PTK7: variants seen among roughly 807,000 people sequenced by gnomAD.
The protein encoded by PTK7 is inactive tyrosine-protein kinase 7.
A neutral mutation model predicts 116.6 loss-of-function variants in PTK7; 39 were observed. The observed-to-expected ratio is 0.33, with a 90% CI of 0.26 to 0.44. PTK7 has a LOEUF of 0.44. Ranked by LOEUF, PTK7 falls within the 20% of genes least tolerant of loss-of-function variation. The probability of loss-of-function intolerance (pLI) is 1.00; values close to 1 mark genes in which losing one functional copy is unlikely to be tolerated. For synonymous variants in PTK7, 546 were observed against 563.6 expected, an observed-to-expected ratio of 0.97 and a Z score of 0.44; for missense variants, 1,169 against 1,425.6, an observed-to-expected ratio of 0.82 and a Z score of 2.90.
chr6:43,131,030 CACACA>C (rs1561966873), intron 5 of PTK7, among the ~76,000 whole-genome samples: 444 of 9,106 alleles, frequency 0.049, 3 homozygotes, highest in African/African-American at 0.16. Flanking sequence ...GCAAAGACAT[CACACA>C]CACACACACA....
intron 1 of PTK7, among the ~76,000 whole-genome samples, chr6:43,083,086 G>A (rs3729617): frequency 0.44 from 67,073 of 152,108 alleles, 15,665 homozygotes; most frequent in African/African-American, 0.61. Context: ...AGACTCTAGT[G>A]TTGGAGCCAA....
chr6:43,099,384 CA>C (rs942795699), intron 1 of PTK7, among the ~76,000 whole-genome samples: 1 of 152,010 alleles, frequency 6.6e-6, no homozygotes, highest in Non-Finnish European at 1.5e-5. Context: ...AGGCAAGCAC[CA>C]CCATGCCTGG....
At chr6:43,114,610 C>T (rs188237273) in intron 1 of PTK7, among the ~76,000 whole-genome samples, 1 of 152,152 alleles carries the variant, frequency 6.6e-6, no homozygotes, top group Admixed American at 6.6e-5. Flanking sequence ...ATGAAATAAA[C>T]TTGAGGTTTT....
chr6:43,106,282 T>G (rs1341989766), intron 1 of PTK7, among the ~76,000 whole-genome samples: 1 of 152,182 alleles, frequency 6.6e-6, no homozygotes, highest in Non-Finnish European at 1.5e-5. Context: ...TTGTTCTATT[T>G]GCCAAGTCCC....
intron 17 of PTK7, among the ~76,000 whole-genome samples, chr6:43,148,837 G>T (rs570856737): frequency 2.6e-5 from 4 of 152,008 alleles, no homozygotes; most frequent in African/African-American, 7.2e-5. Flanking sequence ...GAGGCGGGCA[G>T]ATCACGAGGT....
chr6:43,156,482 A>G (rs2150478905), intron 17 of PTK7, among the ~76,000 whole-genome samples: 1 of 151,852 alleles, frequency 6.6e-6, no homozygotes, highest in East Asian at 1.9e-4. Flanking sequence ...GATGGTACAC[A>G]TTTTTGTCCC....
chr6:43,131,298 C>A (rs1769668900), intron 5 of PTK7, among the ~76,000 whole-genome samples: 2 of 151,108 alleles, frequency 1.3e-5, no homozygotes, highest in South Asian at 2.1e-4. Flanking sequence ...GGTATCTGAC[C>A]CTGGAGCTGG....
intron 3 of PTK7, among the ~76,000 whole-genome samples, 185 bp from the exon 4 acceptor site, chr6:43,130,045 A>G (rs1769559757): frequency 6.6e-6 from 1 of 150,860 alleles, no homozygotes; most frequent in Non-Finnish European, 1.5e-5. Flanking sequence ...TGGGAGATCT[A>G]ATATCAACTT....
intron 1 of PTK7, among the ~76,000 whole-genome samples, chr6:43,120,171 A>G (rs1768873112): frequency 6.6e-6 from 1 of 152,168 alleles, no homozygotes; most frequent in African/African-American, 2.4e-5. Flanking sequence ...CAAGATGGAT[A>G]AATGTAGATG....
rs756405228 is a variant in PTK7 at position 43,139,317 on chromosome 6, AGAGGAAAGGG to A, written c.1498+51_1498+60del. ...GGAGCACCCTTCCTGGCTAGGCAGG[AGAGGAAAGGG>A]GAGGGAGCAGCAGGCCTGGCCACGG... On this transcript the variant is annotated intron_variant, in intron 9 of 19. Transcript: ENST00000230419. The surrounding 1 kb of genome is among the most constrained non-coding windows in gnomAD (Gnocchi z 4.6). 2.2e-5 allele frequency: 36 copies of A among 1,614,134 alleles called. No homozygotes were observed. The highest frequency in any genetic ancestry group is 1.3e-4 in the Admixed American group (8 of 60,026).
intron 17 of PTK7, among the ~76,000 whole-genome samples, chr6:43,157,335 TATATATATATATATATATATATATATATA>T (rs1771499431): frequency 8.3e-4 from 1 of 1,212 alleles, no homozygotes; most frequent in African/African-American, 2.2e-3. Context: ...GCTATATATA[TATATATATATATATATATATATATATATA>T]TTTTTTTTTT....
chr6:43,078,029 G>A (rs552531176), intron 1 of PTK7, among the ~76,000 whole-genome samples: 29 of 152,340 alleles, frequency 1.9e-4, no homozygotes, highest in Non-Finnish European at 2.9e-4. Flanking sequence ...CCATCTGGGC[G>A]AGCAGCCCAA....
At chr6:43,144,423 G>A (rs573306994) in intron 14 of PTK7, 28 bp from the exon 15 acceptor site, 80 of 1,613,754 alleles carry the variant, frequency 5.0e-5, no homozygotes, top group South Asian at 2.1e-4. Flanking sequence ...AGGTCTCATC[G>A]TGACGCTCTT....
intron 1 of PTK7, among the ~76,000 whole-genome samples, chr6:43,124,544 C>A (rs1769165336): frequency 6.6e-6 from 1 of 151,818 alleles, no homozygotes; most frequent in African/African-American, 2.4e-5. Context: ...GGCATGGTGG[C>A]ACATGCTTGA....
In PTK7 at chr6:43,129,436, A is replaced by T. The variant is rs966600868; in HGVS notation, c.367+172A>T. The T allele has an allele frequency of 1.4e-5, 14 of 1,018,006 alleles. No individual in the cohort carries two copies. Among genetic ancestry groups the T allele is most frequent in the Non-Finnish European group, 1.8e-5 (13 of 712,672 alleles). 63.1% of individuals were successfully genotyped at this position (1,018,006 alleles called of 1,614,324 possible). On this transcript the variant is annotated intron_variant, in intron 2 of 19. Coordinates refer to ENST00000230419, the MANE Select transcript of PTK7 (RefSeq NM_002821.5). This position sits in a 1 kb window ranked among gnomAD's most constrained non-coding sequence, Gnocchi z 4.5. ...TGGATAAGAGGAAATTAAAAGTTAT[A>T]TTTTTTCCAAAATTTTTTCCTTCAA...
At chr6:43,140,600 A>G (rs965617196) in intron 10 of PTK7, among the ~76,000 whole-genome samples, 12 of 151,802 alleles carry the variant, frequency 7.9e-5, no homozygotes, top group African/African-American at 2.9e-4. Context: ...TTAAATTTAC[A>G]TGATTGGCTG....
At chr6:43,128,779 A>AT in intron 1 of PTK7, among the ~76,000 whole-genome samples, 198 bp from the exon 2 acceptor site, 1 of 152,232 alleles carries the variant, frequency 6.6e-6, no homozygotes. Flanking sequence ...GAGCAAAAAA[A>AT]GAAAAAGAAA....
intron 7 of PTK7, chr6:43,133,816 A>G (rs1769860562): frequency 6.6e-6 from 1 of 152,224 alleles, no homozygotes; most frequent in African/African-American, 2.4e-5. Flanking sequence ...AGATTTGAAT[A>G]TGAAAGTGGC....
At chr6:43,152,823 T>TC (rs1362814083) in intron 17 of PTK7, among the ~76,000 whole-genome samples, 1 of 151,878 alleles carries the variant, frequency 6.6e-6, no homozygotes, top group African/African-American at 2.4e-5. Context: ...TCTTACCCTG[T>TC]CGACCAGGCT....
Sources: allele counts gnomAD v4.1 joint callset (sites outside exome capture counted in the v4.1 genomes callset), GRCh38; gene constraint gnomAD v4.1.1; non-coding constraint Gnocchi (gnomAD v3.1); transcripts MANE v1.5; gene names NCBI Gene and HGNC (gene_info 2026-07-23, HGNC 2026-07-21).